TNFRSF8: variants seen among roughly 807,000 people sequenced by gnomAD.
TNFRSF8 encodes TNF receptor superfamily member 8.
TNFRSF8 carries 26 observed loss-of-function variants against 70.8 expected under a neutral mutation model. The observed-to-expected ratio is 0.37, with a 90% CI of 0.27 to 0.51. TNFRSF8 has a LOEUF of 0.51. Ranked by LOEUF, TNFRSF8 falls within the 20% of genes least tolerant of loss-of-function variation. The probability of loss-of-function intolerance (pLI) is 0.94; values close to 1 mark genes in which losing one functional copy is unlikely to be tolerated. For synonymous variants in TNFRSF8, 356 were observed against 339.2 expected (o/e 1.05, Z -0.54); for missense variants, 720 against 807.9 (o/e 0.89, Z 1.32).
rs946467335 is a variant in TNFRSF8 at position 12,110,395 on chromosome 1, C to T, written c.676+191C>T. Reference sequence around the variant, plus strand: ...AGAGGTAGACACCAGAGGGCTCATTCATTTGCCAGCAGTGCAGAGGGCCTG... The same window carrying T: ...AGAGGTAGACACCAGAGGGCTCATTTATTTGCCAGCAGTGCAGAGGGCCTG... On this transcript the variant is annotated intron_variant, in intron 6 of 14. Transcript: ENST00000263932. This position sits in a 1 kb window ranked among gnomAD's most constrained non-coding sequence, Gnocchi z 4.0. Among the ~76,000 whole-genome samples the T allele has an allele frequency of 6.6e-6, 1 of 152,168 alleles. No homozygotes were observed. The highest frequency in any genetic ancestry group is 1.5e-5 in the Non-Finnish European group (1 of 68,016).
At position 12,108,024 on chromosome 1, in the gene TNFRSF8, C is replaced by T. The variant is rs1641557211; in HGVS notation, c.422-1542C>T. Among the ~76,000 whole-genome samples, 7 of 151,918 alleles carry T rather than the reference C, an allele frequency of 4.6e-5. 1 individual carries two copies. In the South Asian group the frequency reaches 1.5e-3, roughly 32 times the overall value. On this transcript the variant is annotated intron_variant, in intron 4 of 14. Transcript: ENST00000263932. The surrounding 1 kb of genome is among the most constrained non-coding windows in gnomAD (Gnocchi z 4.0). ...ACACGAGAGGTCAGCATTGCTCGCG[C>T]TCACCTCCACGGAAAGCTTCAGAGC... is the stretch of plus-strand genomic sequence containing the variant.
Position 12,109,897 on chromosome 1 carries a change from C to A in TNFRSF8, c.513-144C>A. ...CAGGGCTTAGAAAACACAGGCCTTG[C>A]TCCCAGGAGCTTACAGTGGGCCCGC... On this transcript the variant is annotated intron_variant, in intron 5 of 14. Coordinates refer to ENST00000263932, the MANE Select transcript of TNFRSF8 (RefSeq NM_001243.5). This position sits in a 1 kb window ranked among gnomAD's most constrained non-coding sequence, Gnocchi z 4.4. 1 of 1,077,958 alleles carries A rather than the reference C, an allele frequency of 9.3e-7. No individual in the cohort carries two copies. Among genetic ancestry groups the A allele is most frequent in the South Asian group, 1.5e-5 (1 of 64,518 alleles). 66.8% of individuals were successfully genotyped at this position (1,077,958 alleles called of 1,614,324 possible). A position where few individuals can be genotyped will look rare whatever the true frequency, so the allele number is the denominator to read the frequency against.
In TNFRSF8 at chr1:12,126,203, G is replaced by T. The variant is rs765077656; in HGVS notation, c.1276G>T (p.Val426Phe). 7 of 1,614,128 alleles carry T rather than the reference G, an allele frequency of 4.3e-6. No individual in the cohort carries two copies. The highest frequency in any genetic ancestry group is 5.9e-6 in the Non-Finnish European group (7 of 1,180,030). ...IRQKLHLCYP[V>F]QTSQPKLELV... ...TTCAGAGCTCCACCTGTGCTACCCG[G>T]TCCAGACCTCCCAGCCCAAGCTAGA... Residue 426 changes from valine (V) to phenylalanine (F), a missense_variant, in exon 12 of 15, where the codon GTC becomes TTC. Physicochemically the swap from Val to Phe is conservative, Grantham distance 50 (BLOSUM62 -1). Coordinates refer to ENST00000263932, the MANE Select transcript of TNFRSF8 (RefSeq NM_001243.5).
At chr1:12,135,268 A>T (rs1642123914) in intron 12 of TNFRSF8, among the ~76,000 whole-genome samples, 2 of 148,450 alleles carry the variant, frequency 1.3e-5, no homozygotes, top group African/African-American at 5.0e-5. Flanking sequence ...TTGAGCCGAG[A>T]TCATGCCACT....
chr1:12,133,869 A>T (rs1470979333), intron 12 of TNFRSF8, among the ~76,000 whole-genome samples: 2 of 152,152 alleles, frequency 1.3e-5, no homozygotes, highest in South Asian at 4.1e-4. Flanking sequence ...CCTGGCCAAC[A>T]TGGTGAAACC....
intron 12 of TNFRSF8, among the ~76,000 whole-genome samples, chr1:12,128,776 C>T: frequency 6.6e-6 from 1 of 151,290 alleles, no homozygotes; most frequent in Non-Finnish European, 1.5e-5. Context: ...TGTCTCTAGA[C>T]ATTGCCATGT....
At chr1:12,064,073 T>A (rs1404596352) in intron 1 of TNFRSF8, among the ~76,000 whole-genome samples, 2 of 152,102 alleles carry the variant, frequency 1.3e-5, no homozygotes, top group African/African-American at 4.8e-5. Flanking sequence ...CGCTCTACCC[T>A]GTTGTGTGCG....
At chr1:12,128,690 G>A (rs1364463735) in intron 12 of TNFRSF8, among the ~76,000 whole-genome samples, 1 of 152,164 alleles carries the variant, frequency 6.6e-6, no homozygotes. Flanking sequence ...GTTCTTTGCT[G>A]TGGAGCGCTA....
In TNFRSF8 at chr1:12,135,713, A is replaced by G. The variant is rs1642133941; in HGVS notation, c.1335+100A>G. On this transcript the variant is annotated intron_variant, in intron 13 of 14. Coordinates refer to ENST00000263932, the MANE Select transcript of TNFRSF8 (RefSeq NM_001243.5). Reference sequence around the variant, plus strand: ...TTTGAGAGCTGCTGGGGGAAGGGAGAGGGAGGGGACGGACTGGCCATTCCC... The same window carrying G: ...TTTGAGAGCTGCTGGGGGAAGGGAGGGGGAGGGGACGGACTGGCCATTCCC... 3.9e-6 allele frequency: 6 copies of G among 1,522,246 alleles called. No homozygotes were observed. The South Asian group carries it at 6.0e-5, about 15-fold the overall frequency. 94.3% of individuals were successfully genotyped at this position (1,522,246 alleles called of 1,614,324 possible). A position where few individuals can be genotyped will look rare whatever the true frequency, so the allele number is the denominator to read the frequency against.
intron 4 of TNFRSF8, among the ~76,000 whole-genome samples, chr1:12,106,847 GTATAA>G (rs1641533934): frequency 1.3e-5 from 2 of 152,206 alleles, no homozygotes; most frequent in African/African-American, 2.4e-5. Flanking sequence ...AAATGAGGAG[GTATAA>G]CTGAAGGCCT....
intron 3 of TNFRSF8, 132 bp from the exon 4 acceptor site, chr1:12,104,247 C>T: frequency 1.1e-6 from 1 of 881,762 alleles, no homozygotes. Flanking sequence ...TTTTAGTGGT[C>T]ACCAGGGGGT....
intron 11 of TNFRSF8, 61 bp from the exon 12 acceptor site, chr1:12,126,122 C>G: frequency 3.7e-6 from 6 of 1,613,546 alleles, no homozygotes; most frequent in Non-Finnish European, 5.1e-6. Context: ...TGGGTTCTTT[C>G]CCTGCCTGCT....
chr1:12,078,863 C>T (rs1335020702), intron 1 of TNFRSF8, among the ~76,000 whole-genome samples: 1 of 152,250 alleles, frequency 6.6e-6, no homozygotes, highest in African/African-American at 2.4e-5. Flanking sequence ...TCTGCTAGGT[C>T]AGCGCATCTC....
intron 10 of TNFRSF8, among the ~76,000 whole-genome samples, chr1:12,124,218 A>G (rs1230389211): frequency 1.3e-5 from 2 of 151,902 alleles, no homozygotes; most frequent in African/African-American, 4.8e-5. Flanking sequence ...CATGTTGTCC[A>G]GGTTGGTCTC....
At chr1:12,072,180 G>A (rs1258696818) in intron 1 of TNFRSF8, among the ~76,000 whole-genome samples, 1 of 152,216 alleles carries the variant, frequency 6.6e-6, no homozygotes, top group Non-Finnish European at 1.5e-5. Context: ...AGGATGACAT[G>A]AGTTAATATG....
chr1:12,131,724 GCTCAA>G (rs1246133548), intron 12 of TNFRSF8, among the ~76,000 whole-genome samples: 3 of 151,544 alleles, frequency 2.0e-5, no homozygotes. Context: ...TAACTCCTGA[GCTCAA>G]GTGATCTGCC....
At position 12,141,102 on chromosome 1, in the gene TNFRSF8, A is replaced by T. The variant is rs1428975456; in HGVS notation, c.1544-1185A>T. 1.3e-5 allele frequency among the ~76,000 whole-genome samples: 2 copies of T among 152,170 alleles called. No individual in the cohort carries two copies. The highest frequency in any genetic ancestry group is 4.8e-5 in the African/African-American group (2 of 41,420). ...CTTTCCTGGGGGTGTTCAAAACCAGAATAGAAGAACCAGCGTCATGCAATA... is the reference window on the plus strand; with the variant it reads ...CTTTCCTGGGGGTGTTCAAAACCAGTATAGAAGAACCAGCGTCATGCAATA... On this transcript the variant is annotated intron_variant, in intron 14 of 14. Transcript: ENST00000263932. This position sits in a 1 kb window ranked among gnomAD's most constrained non-coding sequence, Gnocchi z 5.4.
intron 2 of TNFRSF8, among the ~76,000 whole-genome samples, chr1:12,089,350 C>T (rs907735299): frequency 4.6e-5 from 7 of 152,154 alleles, no homozygotes; most frequent in East Asian, 1.9e-4. Context: ...TAACTTGCCC[C>T]GCATACTCTT....
At chr1:12,095,829 T>C (rs2100983941) in intron 2 of TNFRSF8, among the ~76,000 whole-genome samples, 1 of 152,316 alleles carries the variant, frequency 6.6e-6, no homozygotes, top group East Asian at 1.9e-4. Context: ...GAGAAGTCCA[T>C]GGACACCCTA....
Sources: gnomAD v4.1 joint callset for allele counts (sites outside exome capture counted in the v4.1 genomes callset) on GRCh38, gnomAD v4.1.1 for gene constraint, Gnocchi (gnomAD v3.1) non-coding constraint, MANE v1.5 for transcripts, NCBI Gene and HGNC (gene_info 2026-07-23, HGNC 2026-07-21) for gene names.